CUL5: variants seen among roughly 807,000 people sequenced by gnomAD.
CUL5 encodes cullin 5.
CUL5 carries 26 observed loss-of-function variants against 108.8 expected under a neutral mutation model. The observed-to-expected ratio is 0.24, with a 90% CI of 0.18 to 0.33. CUL5 has a LOEUF of 0.33. CUL5 is among the 10% of genes least tolerant of loss of function. CUL5 has a pLI of 1.00. For synonymous variants in CUL5, 334 were observed against 298.0 expected, an observed-to-expected ratio of 1.12 and a Z score of -1.25; for missense variants, 524 against 909.2, an observed-to-expected ratio of 0.58 and a Z score of 5.45.
intron 2 of CUL5, among the ~76,000 whole-genome samples, chr11:108,039,380 T>G (rs1396743876): frequency 6.6e-6 from 1 of 152,218 alleles, no homozygotes; most frequent in African/African-American, 2.4e-5. Flanking sequence ...CTCACCCTTC[T>G]GTGTCTTTCT....
rs1037103456 is a variant in CUL5 at position 108,030,551 on chromosome 11, C to T, written c.25-3251C>T. 3.9e-4 allele frequency among the ~76,000 whole-genome samples: 60 copies of T among 152,256 alleles called. 1 individual carries two copies. Among genetic ancestry groups the T allele is most frequent in the African/African-American group, 1.3e-3 (52 of 41,554 alleles). On this transcript the variant is annotated intron_variant, in intron 1 of 18. Coordinates refer to ENST00000393094, the MANE Select transcript of CUL5 (RefSeq NM_003478.6). ...ACTCGGGAAGCTGAGGCAGGAGAAT[C>T]GCTTGAACCCGGGAGGCGGAGGTTG...
At chr11:108,083,009 C>G (rs958836999) in intron 11 of CUL5, among the ~76,000 whole-genome samples, 1 of 152,110 alleles carries the variant, frequency 6.6e-6, no homozygotes, top group Non-Finnish European at 1.5e-5. Context: ...TTTGTAGATT[C>G]TTTCAGCTTT....
chr11:108,082,270 T>G, intron 11 of CUL5, among the ~76,000 whole-genome samples: 1 of 150,436 alleles, frequency 6.6e-6, no homozygotes, highest in Middle Eastern at 3.4e-3. Flanking sequence ...CCCTTCCTTC[T>G]TCTCTCTTTC....
intron 7 of CUL5, among the ~76,000 whole-genome samples, chr11:108,066,425 C>T (rs992678943): frequency 6.6e-6 from 1 of 152,030 alleles, no homozygotes; most frequent in Non-Finnish European, 1.5e-5. Flanking sequence ...ATTTTTCTAA[C>T]TTAATATTGT....
At chr11:108,090,478 A>G (rs1231217087) in intron 13 of CUL5, among the ~76,000 whole-genome samples, 6 of 152,160 alleles carry the variant, frequency 3.9e-5, no homozygotes, top group Non-Finnish European at 8.8e-5. Flanking sequence ...GTGACAGAGC[A>G]AGACTCCATC....
chr11:108,098,557 GTTTAAAAAAAC>G, intron 18 of CUL5, 28 bp downstream of exon 18: 1 of 1,249,496 alleles, frequency 8.0e-7, no homozygotes, highest in Non-Finnish European at 1.1e-6. Flanking sequence ...AATGTCTGAA[GTTTAAAAAAAC>G]TTTAGTTTTT....
intron 1 of CUL5, among the ~76,000 whole-genome samples, chr11:108,012,287 C>T (rs1862073906): frequency 6.6e-6 from 1 of 152,110 alleles, no homozygotes; most frequent in Non-Finnish European, 1.5e-5. Context: ...TATTGTTCCA[C>T]CCCAAACAGC....
intron 7 of CUL5, among the ~76,000 whole-genome samples, chr11:108,058,987 A>G (rs1863469134): frequency 6.6e-6 from 1 of 152,186 alleles, no homozygotes; most frequent in African/African-American, 2.4e-5. Flanking sequence ...AGAGCAAGAA[A>G]AAAAATTAAG....
intron 4 of CUL5, among the ~76,000 whole-genome samples, chr11:108,052,132 AT>A (rs1370383245): frequency 6.6e-6 from 1 of 151,688 alleles, no homozygotes; most frequent in Admixed American, 6.6e-5. Flanking sequence ...TGCCTAGCAA[AT>A]TTTTGTATTT....
chr11:108,063,365 T>G (rs1222307935), intron 7 of CUL5, among the ~76,000 whole-genome samples: 1 of 152,208 alleles, frequency 6.6e-6, no homozygotes, highest in Non-Finnish European at 1.5e-5. Context: ...TCCATGTTGT[T>G]GCAAATGGCA....
chr11:108,059,438 G>A (rs901456081), intron 7 of CUL5, among the ~76,000 whole-genome samples: 1 of 152,144 alleles, frequency 6.6e-6, no homozygotes, highest in African/African-American at 2.4e-5. Context: ...GAATGACCAG[G>A]GCACCGATAG....
intron 8 of CUL5, among the ~76,000 whole-genome samples, chr11:108,071,249 C>T (rs10736443): frequency 0.96 from 146,637 of 152,248 alleles, 70,866 homozygotes; most frequent in East Asian, 1. Flanking sequence ...TTCCTTTGCA[C>T]TGAAAACCAA....
chr11:108,034,844 A>G (rs994909081), intron 2 of CUL5, among the ~76,000 whole-genome samples: 9 of 152,228 alleles, frequency 5.9e-5, no homozygotes, highest in Non-Finnish European at 1.5e-5. Flanking sequence ...AAACATTTTT[A>G]GACAACTTAA....
intron 7 of CUL5, among the ~76,000 whole-genome samples, chr11:108,056,846 A>G (rs1863391508): frequency 6.6e-6 from 1 of 152,210 alleles, no homozygotes; most frequent in Non-Finnish European, 1.5e-5. Context: ...ATTGTATCAC[A>G]TGGATGGGGC....
chr11:108,022,017 C>T (rs564880796), intron 1 of CUL5, among the ~76,000 whole-genome samples: 1 of 151,612 alleles, frequency 6.6e-6, no homozygotes, highest in Non-Finnish European at 1.5e-5. Flanking sequence ...TCCATCGATC[C>T]ATCCATTCTT....
chr11:108,094,308 T>G, intron 13 of CUL5, 83 bp from the exon 14 acceptor site: 1 of 1,004,940 alleles, frequency 1.0e-6, no homozygotes, highest in African/African-American at 1.7e-5. Flanking sequence ...CATTTAAGAC[T>G]TAGTTTTTCT....
At chr11:108,097,025 G>GT (rs1161303745) in intron 16 of CUL5, among the ~76,000 whole-genome samples, 7 of 151,832 alleles carry the variant, frequency 4.6e-5, no homozygotes, top group Non-Finnish European at 5.9e-5. Flanking sequence ...AAAGTTCCAG[G>GT]TTTTTTTGTT....
At position 108,044,208 on chromosome 11, in the gene CUL5, A is replaced by G. The variant is rs564215517; in HGVS notation, c.135-2062A>G. Among the ~76,000 whole-genome samples the G allele has an allele frequency of 4.6e-5, 7 of 152,262 alleles. No individual in the cohort carries two copies. The South Asian group carries it at 1.4e-3, about 32-fold the overall frequency. On this transcript the variant is annotated intron_variant, in intron 2 of 18. Coordinates refer to ENST00000393094, the MANE Select transcript of CUL5 (RefSeq NM_003478.6). The stretch of plus-strand genomic sequence containing the variant: ...ATATGGAGACAAAACTTTGGGCTCT[A>G]CTAGTGTCTCTAAAAATTGGAATAT...
intron 1 of CUL5, among the ~76,000 whole-genome samples, chr11:108,028,494 T>C (rs529034153): frequency 4.6e-5 from 7 of 152,312 alleles, no homozygotes; most frequent in Non-Finnish European, 8.8e-5. Context: ...TTGCCCCTTA[T>C]AATATATTCT....
Sources: gnomAD v4.1 joint callset for allele counts (sites outside exome capture counted in the v4.1 genomes callset) on GRCh38, gnomAD v4.1.1 for gene constraint, MANE v1.5 for transcripts, NCBI Gene and HGNC (gene_info 2026-07-23, HGNC 2026-07-21) for gene names.